The following FAM13A variants were observed in gnomAD, a reference collection of about 807,000 sequenced individuals.
FAM13A encodes the protein family with sequence similarity 13 member A.
FAM13A carries 76 observed loss-of-function variants against 129.6 expected under a neutral mutation model. The observed-to-expected ratio is 0.59, with a 90% CI of 0.49 to 0.71. The LOEUF (loss-of-function observed/expected upper bound fraction) is 0.71. Ranked by LOEUF, FAM13A falls within the 30% of genes least tolerant of loss-of-function variation. FAM13A has a pLI of 0.00. For synonymous variants in FAM13A, 443 were observed against 449.9 expected, an observed-to-expected ratio of 0.98 and a Z score of 0.20; for missense variants, 1,108 against 1,249.3, an observed-to-expected ratio of 0.89 and a Z score of 1.70.
intron 8 of FAM13A, among the ~76,000 whole-genome samples, chr4:88,793,390 T>C (rs930102506): frequency 6.6e-6 from 1 of 151,996 alleles, no homozygotes; most frequent in African/African-American, 2.4e-5. Context: ...AATTAAATCA[T>C]ATTCATATTT....
At chr4:89,046,595 A>T (rs1273644443) in intron 1 of FAM13A, among the ~76,000 whole-genome samples, 1 of 152,222 alleles carries the variant, frequency 6.6e-6, no homozygotes, top group Non-Finnish European at 1.5e-5. Flanking sequence ...CATGCCTGTA[A>T]TCCTAGTGCT....
At chr4:88,850,913 C>T (rs376305460) in intron 7 of FAM13A, 107 bp downstream of exon 7, 11 of 979,054 alleles carry the variant, frequency 1.1e-5, no homozygotes, top group Admixed American at 2.0e-5. Context: ...GATCTATATC[C>T]TGTAAACTCC....
chr4:88,961,345 GC>G (rs1560548885), intron 4 of FAM13A, among the ~76,000 whole-genome samples: 2 of 79,528 alleles, frequency 2.5e-5, no homozygotes, highest in African/African-American at 4.9e-5. Context: ...TGTGGAATTT[GC>G]CTTTTTTTTT....
intron 7 of FAM13A, among the ~76,000 whole-genome samples, chr4:88,836,232 G>A (rs1049294664): frequency 1.3e-5 from 2 of 152,104 alleles, no homozygotes; most frequent in Admixed American, 6.5e-5. Flanking sequence ...TAAATTTTAT[G>A]TTATATATAC....
chr4:89,032,764 G>C (rs1378800055), intron 1 of FAM13A, among the ~76,000 whole-genome samples: 4 of 152,188 alleles, frequency 2.6e-5, no homozygotes, highest in Admixed American at 6.5e-5. Flanking sequence ...TTTGAGGAAT[G>C]ACTGCATGTT....
chr4:88,728,258 ACTG>A lies in FAM13A; in HGVS notation c.*272_*274del, dbSNP rs150707965. ...CTGCTAGTGTTAGGAAAGCTCCACT[ACTG>A]TGTGTGTGTGTGCGTGCATGCGCGT... On this transcript the variant is annotated 3_prime_UTR_variant, in exon 24 of 24. Transcript: ENST00000264344. 1.8e-3 allele frequency: 847 copies of A among 468,604 alleles called. 12 individuals carry two copies. The highest frequency in any genetic ancestry group is 0.015 in the African/African-American group (772 of 51,494). The allele number at this position is 468,604 out of a possible 1,614,324, so 29.0% of individuals were successfully genotyped here. A position where few individuals can be genotyped will look rare whatever the true frequency, so the allele number is the denominator to read the frequency against.
intron 6 of FAM13A, among the ~76,000 whole-genome samples, chr4:88,866,238 C>T (rs760565811): frequency 2.5e-4 from 38 of 151,862 alleles, no homozygotes; most frequent in Non-Finnish European, 4.9e-4. Flanking sequence ...AGTAGAGACG[C>T]GGTTTTGCCA....
intron 4 of FAM13A, among the ~76,000 whole-genome samples, chr4:88,945,984 GTGTGTGTATATATATATA>G (rs1233006576): frequency 0.029 from 744 of 25,880 alleles, 21 homozygotes; most frequent in African/African-American, 0.13. Flanking sequence ...GTGTGTGTGT[GTGTGTGTATATATATATA>G]TATATATATA....
At chr4:88,886,014 A>G (rs905137707) in intron 6 of FAM13A, among the ~76,000 whole-genome samples, 1 of 151,792 alleles carries the variant, frequency 6.6e-6, no homozygotes. Context: ...TAAAAAAAAA[A>G]AATAGACGTT....
chr4:88,789,271 G>A (rs554024648), intron 9 of FAM13A, among the ~76,000 whole-genome samples: 1 of 152,260 alleles, frequency 6.6e-6, no homozygotes, highest in South Asian at 2.1e-4. Flanking sequence ...TGCAGTTCTT[G>A]AATATCTTTG....
rs373655039 is a variant in FAM13A at position 88,768,101 on chromosome 4, G to C, written c.1459-42C>G. ...ATTGGTTGCCTAATAGGAATGGTAA[G>C]AAATATGCAACGCAGACCCTCCTTT... On this transcript the variant is annotated intron_variant, in intron 11 of 23. Transcript: ENST00000264344. The C allele has an allele frequency of 2.6e-6, 3 of 1,158,048 alleles. No individual in the cohort carries two copies. In the African/African-American group the frequency reaches 4.5e-5, roughly 18 times the overall value. 71.7% of individuals were successfully genotyped at this position (1,158,048 alleles called of 1,614,324 possible). A position where few individuals can be genotyped will look rare whatever the true frequency, so the allele number is the denominator to read the frequency against.
intron 6 of FAM13A, among the ~76,000 whole-genome samples, chr4:88,898,267 T>A (rs1746682100): frequency 6.6e-6 from 1 of 152,116 alleles, no homozygotes; most frequent in Non-Finnish European, 1.5e-5. Context: ...GTTCCTCAAA[T>A]CCCATGTTTT....
intron 11 of FAM13A, among the ~76,000 whole-genome samples, chr4:88,774,312 T>C (rs957153497): frequency 6.6e-6 from 1 of 152,232 alleles, no homozygotes; most frequent in African/African-American, 2.4e-5. Flanking sequence ...CTTTCTTATC[T>C]ATCTCATTTT....
chr4:88,833,056 G>C (rs910056566), intron 7 of FAM13A, among the ~76,000 whole-genome samples: 1 of 152,132 alleles, frequency 6.6e-6, no homozygotes, highest in East Asian at 1.9e-4. Flanking sequence ...GTCGTAAAAA[G>C]GAACAAGATC....
intron 3 of FAM13A, among the ~76,000 whole-genome samples, chr4:89,009,451 T>C (rs1050124099): frequency 3.9e-5 from 6 of 152,220 alleles, no homozygotes; most frequent in Non-Finnish European, 7.3e-5. Flanking sequence ...ATGTATGTGC[T>C]ATGAGCTATG....
chr4:88,853,405 A>G (rs1418793848), intron 6 of FAM13A, among the ~76,000 whole-genome samples: 1 of 152,210 alleles, frequency 6.6e-6, no homozygotes, highest in African/African-American at 2.4e-5. Flanking sequence ...TTTTAAAAAA[A>G]CATTAATAGC....
rs376483287 is a variant in FAM13A, at chr4:88,888,869, G to T, written c.843+17510C>A. ...GAGAATGCTGTGAACCCGGGAGGCG[G>T]AGCTTGCAGTGAGCCGAGATTGTGC... On this transcript the variant is annotated intron_variant, in intron 6 of 23. Coordinates refer to ENST00000264344, the MANE Select transcript of FAM13A (RefSeq NM_014883.4). Among the ~76,000 whole-genome samples the T allele has an allele frequency of 1.9e-4, 29 of 150,954 alleles. 2 individuals are homozygous for T. Among genetic ancestry groups the T allele is most frequent in the African/African-American group, 7.1e-4 (29 of 41,100 alleles).
At chr4:88,888,787 T>A (rs1212457118) in intron 6 of FAM13A, among the ~76,000 whole-genome samples, 6 of 144,474 alleles carry the variant, frequency 4.2e-5, no homozygotes, top group South Asian at 2.2e-4. Context: ...AAAAAAAAAA[T>A]TAGCCGGGTG....
intron 4 of FAM13A, among the ~76,000 whole-genome samples, chr4:88,987,230 G>GA (rs60194594): frequency 1.5e-4 from 23 of 150,256 alleles, no homozygotes; most frequent in African/African-American, 2.2e-4. Context: ...AAAAGAAAAA[G>GA]AAAAAAAAAT....
Sources: gnomAD v4.1 joint callset for allele counts (sites outside exome capture counted in the v4.1 genomes callset) on GRCh38, gnomAD v4.1.1 for gene constraint, MANE v1.5 for transcripts, NCBI Gene and HGNC (gene_info 2026-07-23, HGNC 2026-07-21) for gene names.